The following EYS variants were observed in gnomAD, a reference collection of about 807,000 sequenced individuals.
The protein encoded by EYS is protein eyes shut homolog.
Under a neutral mutation model 282.1 loss-of-function variants are expected in EYS, and 250 were observed. That is an observed-to-expected ratio of 0.89 (90% CI 0.80 to 0.98). The LOEUF (loss-of-function observed/expected upper bound fraction) is 0.98, where lower values mean the gene tolerates loss of function less well. Among genes scored for constraint, EYS ranks in the 50% least tolerant of loss-of-function variants. The pLI is 0.00. For synonymous variants in EYS, 1,355 were observed against 1,282.9 expected (o/e 1.06, Z -1.20); for missense variants, 4,016 against 3,709.0 (o/e 1.08, Z -2.15).
intron 12 of EYS, among the ~76,000 whole-genome samples, chr6:65,178,540 G>A (rs1228512355): frequency 6.6e-6 from 1 of 151,934 alleles, no homozygotes; most frequent in African/African-American, 2.4e-5. Flanking sequence ...ACCCAATACA[G>A]GAGCACCCAG....
At chr6:64,517,227 C>T (rs1374990629) in intron 26 of EYS, among the ~76,000 whole-genome samples, 2 of 151,506 alleles carry the variant, frequency 1.3e-5, no homozygotes. Context: ...AATTAGATAC[C>T]CAAAATAAGG....
intron 33 of EYS, among the ~76,000 whole-genome samples, chr6:64,012,397 A>G (rs1768680053): frequency 6.6e-6 from 1 of 152,194 alleles, no homozygotes; most frequent in African/African-American, 2.4e-5. Context: ...CTGGGATGGG[A>G]GACTCAGAGC....
At chr6:63,879,460 G>A (rs1247516123) in intron 35 of EYS, among the ~76,000 whole-genome samples, 1 of 152,084 alleles carries the variant, frequency 6.6e-6, no homozygotes, top group East Asian at 1.9e-4. Flanking sequence ...AAGTACTAGA[G>A]CAGCTACTTA....
intron 12 of EYS, among the ~76,000 whole-genome samples, chr6:65,093,827 A>G (rs905704168): frequency 3.3e-5 from 5 of 151,786 alleles, no homozygotes; most frequent in African/African-American, 1.2e-4. Context: ...ATTGAAATAC[A>G]TAGAGTGCCT....
chr6:64,848,173 T>A (rs1255479540), intron 19 of EYS, among the ~76,000 whole-genome samples: 1 of 151,930 alleles, frequency 6.6e-6, no homozygotes, highest in Non-Finnish European at 1.5e-5. Context: ...GTGGAGAAAA[T>A]GATTTTGATT....
chr6:65,682,402 C>G (rs1035802807), intron 1 of EYS, among the ~76,000 whole-genome samples: 1 of 151,710 alleles, frequency 6.6e-6, no homozygotes, highest in African/African-American at 2.4e-5. Flanking sequence ...CTGTATCTTC[C>G]AAGGCTTTTA....
chr6:64,852,191 G>A (rs1765907679), intron 19 of EYS, among the ~76,000 whole-genome samples: 1 of 152,082 alleles, frequency 6.6e-6, no homozygotes, highest in Admixed American at 6.6e-5. Context: ...AGGATGCAAA[G>A]TATTGATTCT....
intron 2 of EYS, among the ~76,000 whole-genome samples, chr6:65,608,831 A>G (rs1038148387): frequency 2.6e-5 from 4 of 151,988 alleles, no homozygotes; most frequent in African/African-American, 9.7e-5. Context: ...CTATGCCTAC[A>G]AAGTGTCAAG....
At chr6:65,249,066 T>TG (rs1767252860) in intron 12 of EYS, among the ~76,000 whole-genome samples, 1 of 137,854 alleles carries the variant, frequency 7.3e-6, no homozygotes, top group East Asian at 2.0e-4. Flanking sequence ...AACTGACAAG[T>TG]GAAAAAAAAA....
intron 32 of EYS, among the ~76,000 whole-genome samples, chr6:64,076,394 T>A (rs1771771893): frequency 6.6e-6 from 1 of 151,922 alleles, no homozygotes. Flanking sequence ...AATAGAGAAC[T>A]ACGAAACACA....
At chr6:64,166,399 A>C (rs767347553) in intron 31 of EYS, among the ~76,000 whole-genome samples, 18 of 152,230 alleles carry the variant, frequency 1.2e-4, no homozygotes, top group Non-Finnish European at 2.6e-4. Context: ...AGAAATGTCT[A>C]TGTCCCTCGC....
chr6:63,908,036 TTG>T (rs59753065), intron 35 of EYS, among the ~76,000 whole-genome samples: 1,215 of 79,166 alleles, frequency 0.015, 10 homozygotes, highest in African/African-American at 0.035. Flanking sequence ...ATATATACGT[TTG>T]TGTGTGTGTG....
intron 22 of EYS, among the ~76,000 whole-genome samples, chr6:64,796,741 GAATA>G (rs1172822408): frequency 1.3e-5 from 2 of 152,078 alleles, no homozygotes; most frequent in African/African-American, 4.8e-5. Flanking sequence ...ATGTGGAGTT[GAATA>G]TGAACATTTC....
At chr6:64,557,560 C>A (rs1259388806) in intron 26 of EYS, among the ~76,000 whole-genome samples, 1 of 151,646 alleles carries the variant, frequency 6.6e-6, no homozygotes, top group Non-Finnish European at 1.5e-5. Context: ...TCTAGTCATT[C>A]TAGAAATATA....
At chr6:65,698,359 A>C (rs1317351397) in intron 1 of EYS, among the ~76,000 whole-genome samples, 1 of 152,168 alleles carries the variant, frequency 6.6e-6, no homozygotes, top group Non-Finnish European at 1.5e-5. Context: ...TCTCTAATAA[A>C]AGTATTTGTA....
intron 27 of EYS, among the ~76,000 whole-genome samples, chr6:64,438,230 T>A (rs1774816487): frequency 6.6e-6 from 1 of 151,820 alleles, no homozygotes; most frequent in East Asian, 1.9e-4. Context: ...GATCTCACAG[T>A]CTCTTTGCAT....
intron 35 of EYS, among the ~76,000 whole-genome samples, chr6:63,952,142 CA>C (rs1188556091): frequency 6.6e-6 from 1 of 152,254 alleles, no homozygotes; most frequent in East Asian, 1.9e-4. Flanking sequence ...AGCGGTTAAG[CA>C]TTCCTACAGG....
chr6:64,527,314 C>A (rs1296231086), intron 26 of EYS, among the ~76,000 whole-genome samples: 4 of 151,708 alleles, frequency 2.6e-5, no homozygotes, highest in Admixed American at 2.0e-4. Context: ...ATGAGTAAAG[C>A]AAAATGGAAG....
chr6:64,345,597 C>G (rs952339522), intron 29 of EYS, among the ~76,000 whole-genome samples: 1 of 151,492 alleles, frequency 6.6e-6, no homozygotes, highest in Non-Finnish European at 1.5e-5. Flanking sequence ...CCATAAAAAC[C>G]CTAGAAGAAA....
Sources: gnomAD v4.1 joint callset for allele counts (sites outside exome capture counted in the v4.1 genomes callset) on GRCh38, gnomAD v4.1.1 for gene constraint, MANE v1.5 for transcripts, NCBI Gene and HGNC (gene_info 2026-07-23, HGNC 2026-07-21) for gene names.